The following TECTB variants were observed in gnomAD, a reference collection of about 807,000 sequenced individuals.
The protein encoded by TECTB is beta-tectorin.
In TECTB, 45 loss-of-function variants were observed where a neutral mutation model predicts 43.3. The observed-to-expected ratio is 1.04, with a 90% CI of 0.82 to 1.33. The LOEUF (loss-of-function observed/expected upper bound fraction) is 1.33. Ranked by LOEUF, TECTB falls within the 40% of genes most tolerant of loss-of-function variation. The pLI is 0.00. For synonymous variants in TECTB, 169 were observed against 156.7 expected, an observed-to-expected ratio of 1.08 and a Z score of -0.59; for missense variants, 399 against 404.7, an observed-to-expected ratio of 0.99 and a Z score of 0.12.
Position 112,298,069 on chromosome 10 carries a change from C to G in TECTB, c.672C>G (p.Gly224=), listed in dbSNP as rs1453593922. The G allele has an allele frequency of 6.2e-7, 1 of 1,614,196 alleles. No homozygotes were observed. Among genetic ancestry groups the G allele is most frequent in the South Asian group, 1.1e-5 (1 of 91,086 alleles). The change falls in exon 8 of 11, where the codon GGC becomes GGG. Residue 224 remains glycine (G), a splice_region_variant and synonymous_variant. Coordinates refer to ENST00000646139, the MANE Select transcript of TECTB (RefSeq NM_058222.3). ...ACTCTTCTTTCCCCATCTGCCTCAG[C>G]TGCCCCACGGATGAAACCGTCCTCG... ...YPLQWQLINK[G]CPTDETVLVH...
chr10:112,283,814 T>C lies in TECTB; in HGVS notation c.76+4T>C. The C allele has an allele frequency of 1.9e-6, 3 of 1,613,444 alleles. No individual in the cohort carries two copies. Among genetic ancestry groups the C allele is most frequent in the African/African-American group, 2.7e-5 (2 of 75,018 alleles). On this transcript the variant is annotated splice_donor_region_variant and intron_variant, in intron 2 of 10. Transcript: ENST00000646139. ...TCGTGTGCTCCAAATAAAGCAGGTA[T>C]GTCCTCGCCAAGTCCATTTTCCTGG...
chr10:112,284,687 T>G lies in TECTB; in HGVS notation c.229T>G (p.Ser77Ala). Reference sequence around the variant, plus strand: ...CTACCAATTTGTGATCCCAGATTTATCACCTAAAAACAAGTCCTATTGTGG... The same window carrying G: ...CTACCAATTTGTGATCCCAGATTTAGCACCTAAAAACAAGTCCTATTGTGG... ...GYYQFVIPDL[S>A]PKNKSYCGTQ... Residue 77 changes from serine (S) to alanine (A), a missense_variant, in exon 3 of 11, where the codon TCA becomes GCA. Transcript: ENST00000646139. 1.2e-6 allele frequency: 2 copies of G among 1,611,156 alleles called. No individual in the cohort carries two copies. Among genetic ancestry groups the G allele is most frequent in the Non-Finnish European group, 1.7e-6 (2 of 1,178,640 alleles).
chr10:112,298,192 G>A lies in TECTB; in HGVS notation c.795G>A (p.Glu265=). Residue 265 remains glutamate, a synonymous_variant, in exon 8 of 11, where the codon GAG becomes GAA. Transcript: ENST00000646139. ...TCTCCAAGGTGTGGTTACACTGTGA[G>A]ACGTTCATCTGCGACAGTGAGAAAC... The part of the protein sequence containing the change: ...PKLSKVWLHC[E]TFICDSEKLS... The A allele has an allele frequency of 6.2e-7, 1 of 1,614,212 alleles. No homozygotes were observed. Among genetic ancestry groups the A allele is most frequent in the Non-Finnish European group, 8.5e-7 (1 of 1,180,024 alleles).
At chr10:112,288,313 A>C (rs1340689847) in intron 5 of TECTB, among the ~76,000 whole-genome samples, 1 of 152,188 alleles carries the variant, frequency 6.6e-6, no homozygotes, top group African/African-American at 2.4e-5. Flanking sequence ...ATCAAGTCTT[A>C]GAACTGGAAT....
intron 9 of TECTB, among the ~76,000 whole-genome samples, chr10:112,300,433 C>T (rs1848601740): frequency 1.3e-5 from 2 of 152,126 alleles, no homozygotes; most frequent in Non-Finnish European, 2.9e-5. Flanking sequence ...CCAGCACTGC[C>T]TGGCCTGGCA....
At chr10:112,288,030 G>A (rs1389858272) in intron 5 of TECTB, among the ~76,000 whole-genome samples, 1 of 152,114 alleles carries the variant, frequency 6.6e-6, no homozygotes, top group Admixed American at 6.5e-5. Flanking sequence ...ATGATAAGGT[G>A]GTGAAACCAC....
rs959268348 is a variant in TECTB, at chr10:112,304,218, A to AT, written c.*912dup. 4 of 152,120 alleles carry AT rather than the reference A, an allele frequency of 2.6e-5. No homozygotes were observed. Among genetic ancestry groups the AT allele is most frequent in the African/African-American group, 9.7e-5 (4 of 41,424 alleles). 9.4% of individuals were successfully genotyped at this position (152,120 alleles called of 1,614,324 possible). ...TAAATGCCTTGTGACACTCAATGCTATTTTTTCTCTATTTGCTCTACTAAG... is the reference window on the plus strand; with the variant it reads ...TAAATGCCTTGTGACACTCAATGCTATTTTTTTCTCTATTTGCTCTACTAAG... On this transcript the variant is annotated 3_prime_UTR_variant, in exon 11 of 11. Coordinates refer to ENST00000646139, the MANE Select transcript of TECTB (RefSeq NM_058222.3).
chr10:112,298,396 GC>G (rs1458886205), intron 8 of TECTB, among the ~76,000 whole-genome samples, 165 bp downstream of exon 8: 3 of 152,204 alleles, frequency 2.0e-5, no homozygotes, highest in African/African-American at 7.2e-5. Flanking sequence ...GAGGGCAGAT[GC>G]TCAGGGCCCT....
chr10:112,293,696 A>G (rs1257013642), intron 5 of TECTB, 42 bp from the exon 6 acceptor site: 25 of 1,578,194 alleles, frequency 1.6e-5, no homozygotes, highest in Admixed American at 1.2e-4. Flanking sequence ...TAGCTGCTCA[A>G]TCTGAGAGTT....
At chr10:112,295,929 G>A (rs772838625) in intron 7 of TECTB, among the ~76,000 whole-genome samples, 15 of 152,272 alleles carry the variant, frequency 9.9e-5, no homozygotes, top group African/African-American at 1.9e-4. Flanking sequence ...TGCCTATTAC[G>A]TATGCAGGTG....
At chr10:112,289,716 G>C (rs1347836356) in intron 5 of TECTB, among the ~76,000 whole-genome samples, 1 of 152,096 alleles carries the variant, frequency 6.6e-6, no homozygotes. Context: ...CAGTTGCTCA[G>C]TATCCCTATT....
Position 112,304,947 on chromosome 10 carries a change from G to A in TECTB, c.*1635G>A, listed in dbSNP as rs1848640567. 6.6e-6 allele frequency: 1 copy of A among 152,104 alleles called. No homozygotes were observed. The highest frequency in any genetic ancestry group is 1.5e-5 in the Non-Finnish European group (1 of 68,020). The allele number at this position is 152,104 out of a possible 1,614,324, so 9.4% of individuals were successfully genotyped here. On this transcript the variant is annotated 3_prime_UTR_variant, in exon 11 of 11. Coordinates refer to ENST00000646139, the MANE Select transcript of TECTB (RefSeq NM_058222.3). ...TTTGCTGTCAGAATAAACCAATGTT[G>A]TATTAGTTTTGCTGTATTTCATCAT...
intron 5 of TECTB, among the ~76,000 whole-genome samples, chr10:112,292,825 A>T (rs1848510437): frequency 6.7e-6 from 1 of 148,870 alleles, no homozygotes; most frequent in African/African-American, 2.5e-5. Flanking sequence ...CTCCTGCCTC[A>T]CTTACTTGCT....
intron 5 of TECTB, among the ~76,000 whole-genome samples, chr10:112,289,909 A>C (rs1469100078): frequency 6.6e-6 from 1 of 152,104 alleles, no homozygotes; most frequent in African/African-American, 2.4e-5. Context: ...ATGTTTCCAC[A>C]TGAACTATTG....
intron 5 of TECTB, among the ~76,000 whole-genome samples, chr10:112,291,792 C>T (rs1355988477): frequency 6.6e-6 from 1 of 152,124 alleles, no homozygotes; most frequent in Non-Finnish European, 1.5e-5. Context: ...GGTGGAAGCT[C>T]GGGTTAGCCC....
At chr10:112,299,618 G>GTGCCTGTGGA in intron 9 of TECTB, 54 bp downstream of exon 9, 1 of 1,588,028 alleles carries the variant, frequency 6.3e-7, no homozygotes, top group Non-Finnish European at 8.6e-7. Flanking sequence ...ACGCTGGGCT[G>GTGCCTGTGGA]CGTCCACAGG....
intron 9 of TECTB, chr10:112,299,836 CAG>C (rs1299158452): frequency 2.3e-6 from 1 of 430,376 alleles, no homozygotes; most frequent in Non-Finnish European, 4.2e-6. Context: ...AGCTTCCAAA[CAG>C]AGCATGCAGT....
chr10:112,298,154 A>T lies in TECTB; in HGVS notation c.757A>T (p.Asn253Tyr), dbSNP rs1848565227. The change falls in exon 8 of 11, where the codon AAC becomes TAC. Residue 253 changes from asparagine to tyrosine, a missense_variant. Physicochemically the swap from Asn to Tyr is moderately radical, Grantham distance 143. Transcript: ENST00000646139. ...TFQFNAFRFQNIPKLSKVWLH... is the reference protein window; with the variant it reads ...TFQFNAFRFQYIPKLSKVWLH... ...CCAATTCAATGCTTTCCGGTTCCAG[A>T]ACATCCCCAAACTCTCCAAGGTGTG... is the stretch of plus-strand genomic sequence containing the variant. 2 of 1,614,098 alleles carry T rather than the reference A, an allele frequency of 1.2e-6. No homozygotes were observed.
At chr10:112,294,259 G>C (rs960240592) in intron 7 of TECTB, among the ~76,000 whole-genome samples, 198 bp downstream of exon 7, 2 of 152,194 alleles carry the variant, frequency 1.3e-5, no homozygotes, top group African/African-American at 4.8e-5. Context: ...ATACTGTTCT[G>C]AGAGCTTTAC....
Sources: allele counts gnomAD v4.1 joint callset (sites outside exome capture counted in the v4.1 genomes callset), GRCh38; gene constraint gnomAD v4.1.1; transcripts MANE v1.5; gene names NCBI Gene and HGNC (gene_info 2026-07-23, HGNC 2026-07-21).